Variants in TBC1D1 observed in about 807,000 individuals in gnomAD.
TBC1D1 encodes TBC1 (tre-2/USP6, BUB2, cdc16) domain family, member 1.
In TBC1D1, 89 loss-of-function variants were observed where a neutral mutation model predicts 125.6. The ratio of observed to expected loss-of-function variants is 0.71; its 90% CI spans 0.60 to 0.85. TBC1D1 has a LOEUF of 0.85. Ranked by LOEUF, TBC1D1 falls within the 40% of genes least tolerant of loss-of-function variation. TBC1D1 has a pLI of 0.00. For synonymous variants in TBC1D1, 565 were observed against 564.1 expected, an observed-to-expected ratio of 1.00 and a Z score of -0.02; for missense variants, 1,377 against 1,469.2, an observed-to-expected ratio of 0.94 and a Z score of 1.03.
chr4:38,133,921 C>A (rs746214218), intron 19 of TBC1D1, among the ~76,000 whole-genome samples: 14 of 152,206 alleles, frequency 9.2e-5, no homozygotes, highest in Non-Finnish European at 1.5e-4. Flanking sequence ...CCCACATCAC[C>A]CAGGCACACT....
chr4:38,111,241 TC>T (rs1180050343), intron 15 of TBC1D1, among the ~76,000 whole-genome samples: 3 of 152,222 alleles, frequency 2.0e-5, no homozygotes, highest in Non-Finnish European at 2.9e-5. Context: ...GACCTGCCTC[TC>T]CCTCTTTACT....
intron 12 of TBC1D1, among the ~76,000 whole-genome samples, chr4:38,083,309 G>T (rs1756899236): frequency 6.6e-6 from 1 of 152,234 alleles, no homozygotes; most frequent in Admixed American, 6.5e-5. Flanking sequence ...CCAAGAGTCA[G>T]CCAGCCTTGT....
intron 2 of TBC1D1, among the ~76,000 whole-genome samples, chr4:37,964,534 A>G (rs1365415437): frequency 1.3e-5 from 2 of 152,206 alleles, no homozygotes; most frequent in African/African-American, 4.8e-5. Flanking sequence ...AGTTTTTCAC[A>G]GAAAGGACCA....
intron 2 of TBC1D1, among the ~76,000 whole-genome samples, chr4:37,967,271 G>T (rs1424983014): frequency 1.3e-5 from 2 of 152,160 alleles, no homozygotes; most frequent in African/African-American, 4.8e-5. Context: ...GAGGCGGGTG[G>T]ATCACCTGGG....
intron 19 of TBC1D1, among the ~76,000 whole-genome samples, chr4:38,135,907 TATAC>T (rs1766474757): frequency 8.8e-5 from 13 of 147,470 alleles, no homozygotes; most frequent in South Asian, 8.7e-4. Flanking sequence ...TGTGTGTATA[TATAC>T]GTGTGTGTGT....
intron 12 of TBC1D1, among the ~76,000 whole-genome samples, chr4:38,080,198 T>A (rs924266923): frequency 1.3e-5 from 2 of 152,260 alleles, no homozygotes; most frequent in African/African-American, 2.4e-5. Context: ...TGTCCTGACC[T>A]CTGTGCCCAC....
rs1251965983 is a variant in TBC1D1, at chr4:37,982,884, C to G, written c.418-31625C>G. Among the ~76,000 whole-genome samples, 3 of 152,238 alleles carry G rather than the reference C, an allele frequency of 2.0e-5. No homozygotes were observed. In the East Asian group the frequency reaches 5.8e-4, roughly 29 times the overall value. On this transcript the variant is annotated intron_variant, in intron 2 of 19. Transcript: ENST00000261439. ...TCATTGACGAATGTACTAAGCAGGGCAGAGAATAACGGGAAGGGCAGGTTG... is the reference window on the plus strand; with the variant it reads ...TCATTGACGAATGTACTAAGCAGGGGAGAGAATAACGGGAAGGGCAGGTTG...
chr4:37,920,795 A>T (rs60244784), intron 2 of TBC1D1, among the ~76,000 whole-genome samples: 60,706 of 151,786 alleles, frequency 0.4, 12,760 homozygotes, highest in East Asian at 0.65. Context: ...CATTGTCCCA[A>T]AACAGTAGGG....
chr4:38,121,185 C>T (rs1763791226), intron 17 of TBC1D1, among the ~76,000 whole-genome samples: 1 of 152,192 alleles, frequency 6.6e-6, no homozygotes, highest in African/African-American at 2.4e-5. Context: ...TTACCCGTTA[C>T]TCATAGAATG....
At chr4:38,033,402 G>A (rs879632516) in intron 7 of TBC1D1, among the ~76,000 whole-genome samples, 1 of 151,708 alleles carries the variant, frequency 6.6e-6, no homozygotes, top group Non-Finnish European at 1.5e-5. Flanking sequence ...ATTTTTTTTA[G>A]AGCAGTTTTA....
At chr4:37,912,331 T>G (rs1003190824) in intron 2 of TBC1D1, among the ~76,000 whole-genome samples, 5 of 152,140 alleles carry the variant, frequency 3.3e-5, no homozygotes, top group African/African-American at 1.2e-4. Context: ...GGGTGAGGAT[T>G]GAATGTATGC....
chr4:37,910,742 C>A (rs943338429), intron 2 of TBC1D1, among the ~76,000 whole-genome samples: 2 of 151,814 alleles, frequency 1.3e-5, no homozygotes, highest in South Asian at 4.1e-4. Flanking sequence ...TTTGATACAA[C>A]GGAGTGACCA....
At chr4:38,118,548 G>A (rs553526238) in intron 17 of TBC1D1, 201 of 198,708 alleles carry the variant, frequency 1.0e-3, no homozygotes, top group Non-Finnish European at 1.8e-3. Context: ...TCTGGGTTGT[G>A]AGTATTGACT....
intron 15 of TBC1D1, among the ~76,000 whole-genome samples, chr4:38,104,643 C>T (rs886716643): frequency 6.6e-6 from 1 of 152,226 alleles, no homozygotes; most frequent in Admixed American, 6.5e-5. Context: ...ATTGTTCCTG[C>T]AGCCACGACA....
At chr4:38,005,877 C>A (rs1386719770) in intron 2 of TBC1D1, among the ~76,000 whole-genome samples, 1 of 152,142 alleles carries the variant, frequency 6.6e-6, no homozygotes, top group Non-Finnish European at 1.5e-5. Context: ...AGACATGATG[C>A]CATGGTAGAA....
intron 2 of TBC1D1, among the ~76,000 whole-genome samples, chr4:38,012,876 C>T (rs1741806757): frequency 6.6e-6 from 1 of 152,160 alleles, no homozygotes; most frequent in African/African-American, 2.4e-5. Context: ...TCACTGCAAC[C>T]TCCGCCTCCC....
intron 18 of TBC1D1, among the ~76,000 whole-genome samples, chr4:38,131,602 C>A (rs991164191): frequency 6.6e-6 from 1 of 152,152 alleles, no homozygotes; most frequent in African/African-American, 2.4e-5. Context: ...GCTGTCTGCC[C>A]CAGGTGGGAG....
intron 11 of TBC1D1, among the ~76,000 whole-genome samples, chr4:38,053,775 T>G (rs190695108): frequency 2.6e-5 from 4 of 152,366 alleles, no homozygotes; most frequent in Admixed American, 2.6e-4. Flanking sequence ...AGTTTTTTCA[T>G]TTTTTGTGGG....
At chr4:37,900,307 AT>A (rs1715645208) in intron 1 of TBC1D1, among the ~76,000 whole-genome samples, 1 of 152,014 alleles carries the variant, frequency 6.6e-6, no homozygotes, top group Non-Finnish European at 1.5e-5. Flanking sequence ...CCAGGAATGG[AT>A]GGTCAATAGG....
Sources: allele counts gnomAD v4.1 joint callset (sites outside exome capture counted in the v4.1 genomes callset), GRCh38; gene constraint gnomAD v4.1.1; transcripts MANE v1.5; gene names NCBI Gene and HGNC (gene_info 2026-07-23, HGNC 2026-07-21).